Variants in NTN1 observed in about 807,000 individuals in gnomAD.
NTN1 encodes netrin-1.
Under a neutral mutation model 54.2 loss-of-function variants are expected in NTN1, and 11 were observed. The ratio of observed to expected loss-of-function variants is 0.20; its 90% CI spans 0.13 to 0.34. The LOEUF is 0.34. NTN1 is among the 10% of genes least tolerant of loss of function. The pLI, the probability that NTN1 is intolerant of heterozygous loss-of-function variation, is 1.00. For missense variants in NTN1, 740 were observed against 893.1 expected (o/e 0.83, Z 2.18); for synonymous variants, 371 against 382.0 (o/e 0.97, Z 0.33).
chr17:9,220,879 G>A (rs1436325009), intron 5 of NTN1, among the ~76,000 whole-genome samples: 1 of 150,958 alleles, frequency 6.6e-6, no homozygotes, highest in Non-Finnish European at 1.5e-5. Context: ...GAAGCCCTGG[G>A]TGGCAGGAGC....
At chr17:9,156,267 G>A (rs1464876054) in intron 2 of NTN1, among the ~76,000 whole-genome samples, 3 of 147,710 alleles carry the variant, frequency 2.0e-5, no homozygotes, top group African/African-American at 5.0e-5. Flanking sequence ...GAATTCAGCC[G>A]TTATGCTACA....
At position 9,239,428 on chromosome 17, in the gene NTN1, C is replaced by T. The variant is rs886154917; in HGVS notation, c.1487-212C>T. Among the ~76,000 whole-genome samples, 7 of 152,156 alleles carry T rather than the reference C, an allele frequency of 4.6e-5. No individual in the cohort carries two copies. The highest frequency in any genetic ancestry group is 1.7e-4 in the African/African-American group (7 of 41,434). ...GTCCCGACGGCAGTGCTGGGTGGCA[C>T]CCTCACAGCGTGGGAGGCAAGGCTT... On this transcript the variant is annotated intron_variant, in intron 6 of 6. Transcript: ENST00000173229. The surrounding 1 kb of genome is among the most constrained non-coding windows in gnomAD (Gnocchi z 5.2).
At chr17:9,216,471 A>G (rs938711563) in intron 5 of NTN1, among the ~76,000 whole-genome samples, 6 of 152,160 alleles carry the variant, frequency 3.9e-5, no homozygotes, top group African/African-American at 1.2e-4. Context: ...ACAGTGACAA[A>G]GATGAATAGT....
intron 2 of NTN1, among the ~76,000 whole-genome samples, chr17:9,038,059 C>T (rs1270435715): frequency 2.0e-5 from 3 of 152,176 alleles, no homozygotes; most frequent in Admixed American, 6.5e-5. Context: ...CCTGGTACAG[C>T]AGCTGAGTCT....
At chr17:9,171,885 T>C (rs1195562245) in intron 3 of NTN1, 3 of 144,244 alleles carry the variant, frequency 2.1e-5, no homozygotes, top group Admixed American at 7.0e-5. Flanking sequence ...CAGGCTCACT[T>C]TTTTTTTTTT....
chr17:9,064,811 G>A (rs8078412), intron 2 of NTN1, among the ~76,000 whole-genome samples: 47,334 of 151,926 alleles, frequency 0.31, 7,591 homozygotes, highest in East Asian at 0.44. Flanking sequence ...TGTTACTCAG[G>A]CAGGAGTGCT....
At chr17:9,114,166 A>ATATATATATATATATATAT (rs59456522) in intron 2 of NTN1, among the ~76,000 whole-genome samples, 20 of 74,594 alleles carry the variant, frequency 2.7e-4, no homozygotes, top group South Asian at 8.9e-4. Flanking sequence ...AAAAAAAAAA[A>ATATATATATATATATATAT]ATATATATAT....
chr17:9,101,907 G>T (rs902053156), intron 2 of NTN1, among the ~76,000 whole-genome samples: 1 of 152,234 alleles, frequency 6.6e-6, no homozygotes, highest in Non-Finnish European at 1.5e-5. Context: ...CAGGAAGATT[G>T]CTTGAGCCCA....
intron 3 of NTN1, among the ~76,000 whole-genome samples, chr17:9,169,676 G>C (rs1436427589): frequency 6.6e-6 from 1 of 152,174 alleles, no homozygotes; most frequent in Non-Finnish European, 1.5e-5. Context: ...ACCAGCCTGG[G>C]CAACATGGTG....
chr17:9,204,042 G>T (rs893618987), intron 5 of NTN1, among the ~76,000 whole-genome samples: 1 of 152,114 alleles, frequency 6.6e-6, no homozygotes, highest in African/African-American at 2.4e-5. Flanking sequence ...CCATCTGTGG[G>T]GTGACAGAAG....
chr17:9,216,643 G>T (rs1905222326), intron 5 of NTN1, among the ~76,000 whole-genome samples: 1 of 152,230 alleles, frequency 6.6e-6, no homozygotes, highest in African/African-American at 2.4e-5. Context: ...TTCAGCTCCT[G>T]GTTCCTACCA....
At chr17:9,119,250 C>A (rs541969442) in intron 2 of NTN1, among the ~76,000 whole-genome samples, 1 of 152,104 alleles carries the variant, frequency 6.6e-6, no homozygotes, top group Non-Finnish European at 1.5e-5. Context: ...TGCAATGGTG[C>A]GATCTCGGCT....
chr17:9,128,114 C>A (rs2092253262), intron 2 of NTN1, among the ~76,000 whole-genome samples: 1 of 148,590 alleles, frequency 6.7e-6, no homozygotes. Context: ...AAGACTCCGT[C>A]TCGAAAAATA....
At position 9,138,609 on chromosome 17, in the gene NTN1, G is replaced by A. The variant is rs552553217; in HGVS notation, c.1019-24204G>A. Among the ~76,000 whole-genome samples the A allele has an allele frequency of 6.8e-4, 103 of 152,328 alleles. 1 individual carries two copies. Among genetic ancestry groups the A allele is most frequent in the African/African-American group, 2.1e-3 (89 of 41,570 alleles). On this transcript the variant is annotated intron_variant, in intron 2 of 6. Transcript: ENST00000173229. ...CTGGCATCTCCTTGTCCATCAATCCGTCTGCACCTACTTATTGGGTGTGCT... is the reference window on the plus strand; with the variant it reads ...CTGGCATCTCCTTGTCCATCAATCCATCTGCACCTACTTATTGGGTGTGCT...
chr17:9,119,363 T>C (rs2092225072), intron 2 of NTN1, among the ~76,000 whole-genome samples: 1 of 152,086 alleles, frequency 6.6e-6, no homozygotes, highest in South Asian at 2.1e-4. Flanking sequence ...AATTTTTGTA[T>C]TTTAAGTAGA....
At chr17:9,188,226 C>T (rs867891652) in intron 5 of NTN1, among the ~76,000 whole-genome samples, 8 of 152,010 alleles carry the variant, frequency 5.3e-5, no homozygotes, top group African/African-American at 1.2e-4. Context: ...GTCAGGAATT[C>T]GAGACCAGCC....
chr17:9,209,650 G>C (rs1468474617), intron 5 of NTN1, among the ~76,000 whole-genome samples: 1 of 152,204 alleles, frequency 6.6e-6, no homozygotes, highest in Non-Finnish European at 1.5e-5. Context: ...GGCAGCACTT[G>C]GTGGGGGCCA....
intron 3 of NTN1, among the ~76,000 whole-genome samples, chr17:9,170,113 A>T (rs740640): frequency 2.0e-4 from 31 of 151,982 alleles, no homozygotes; most frequent in African/African-American, 7.5e-4. Context: ...TTTGAAAAGC[A>T]TGGAACTTGG....
At chr17:9,196,643 A>C (rs1904641722) in intron 5 of NTN1, among the ~76,000 whole-genome samples, 1 of 152,214 alleles carries the variant, frequency 6.6e-6, no homozygotes, top group South Asian at 2.1e-4. Flanking sequence ...GGTGTCTAGG[A>C]GGGAGGCGGC....
Sources: allele counts gnomAD v4.1 joint callset (sites outside exome capture counted in the v4.1 genomes callset), GRCh38; gene constraint gnomAD v4.1.1; non-coding constraint Gnocchi (gnomAD v3.1); transcripts MANE v1.5; gene names NCBI Gene and HGNC (gene_info 2026-07-23, HGNC 2026-07-21).